MCC: variants seen among roughly 807,000 people sequenced by gnomAD.
MCC encodes the protein colorectal mutant cancer protein.
Under a neutral mutation model 116.2 loss-of-function variants are expected in MCC, and 90 were observed. The observed-to-expected ratio is 0.77, with a 90% confidence interval of 0.65 to 0.92. The LOEUF (loss-of-function observed/expected upper bound fraction) is 0.92. Among genes scored for constraint, MCC ranks in the 40% least tolerant of loss-of-function variants. The probability of loss-of-function intolerance (pLI) is 0.00; values close to 1 mark genes in which losing one functional copy is unlikely to be tolerated. For synonymous variants in MCC, 578 were observed against 510.5 expected (o/e 1.13, Z -1.78); for missense variants, 1,516 against 1,312.2 (o/e 1.16, Z -2.40).
intron 3 of MCC, among the ~76,000 whole-genome samples, chr5:113,332,564 CAAAAA>C (rs35391036): frequency 3.4e-5 from 3 of 88,392 alleles, no homozygotes; most frequent in Admixed American, 1.2e-4. Context: ...AACCTGTCTC[CAAAAA>C]AAAAAAAAAA....
At position 113,434,712 on chromosome 5, in the gene MCC, A is replaced by G; in HGVS notation, c.171-49500T>C. The G allele has an allele frequency of 1.2e-6, 2 of 1,614,088 alleles. No individual in the cohort carries two copies. Among genetic ancestry groups the G allele is most frequent in the Non-Finnish European group, 1.7e-6 (2 of 1,179,952 alleles). The stretch of plus-strand genomic sequence containing the variant: ...GTCTGCGGGGGCCTTCTTGCGGTCG[A>G]TGATCTTGATCGCCACATTGAACTT... On this transcript the variant is annotated intron_variant, in intron 1 of 18. Coordinates refer to ENST00000408903, the MANE Select transcript of MCC (RefSeq NM_001085377.2). This position sits in a 1 kb window ranked among gnomAD's most constrained non-coding sequence, Gnocchi z 4.2.
intron 1 of MCC, among the ~76,000 whole-genome samples, chr5:113,427,065 G>C (rs1287162352): frequency 6.6e-6 from 1 of 152,068 alleles, no homozygotes; most frequent in South Asian, 2.1e-4. Flanking sequence ...TATGTTGCAG[G>C]TGGGGACTCT....
chr5:113,077,782 C>T (rs13174818), intron 11 of MCC, among the ~76,000 whole-genome samples: 77,468 of 151,872 alleles, frequency 0.51, 22,588 homozygotes, highest in East Asian at 0.68. Context: ...CAAAAGCTAG[C>T]AGAAGGCAAG....
chr5:113,373,102 C>G (rs189625482), intron 2 of MCC, among the ~76,000 whole-genome samples: 42 of 151,870 alleles, frequency 2.8e-4, no homozygotes, highest in Non-Finnish European at 4.6e-4. Context: ...TGGCGTGAAC[C>G]CGAGAGGCGG....
intron 15 of MCC, 58 bp from the exon 16 acceptor site, chr5:113,049,357 CTG>C: frequency 4.2e-6 from 6 of 1,438,208 alleles, no homozygotes; most frequent in African/African-American, 1.4e-5. Flanking sequence ...GCAGGCCTGG[CTG>C]CTGCCAAGTG....
At chr5:113,201,246 G>A (rs990679135) in intron 3 of MCC, among the ~76,000 whole-genome samples, 28 of 152,214 alleles carry the variant, frequency 1.8e-4, no homozygotes, top group African/African-American at 6.0e-4. Flanking sequence ...TTAGCTAGGT[G>A]TGGTGGCACG....
chr5:113,336,693 A>G (rs1419131700), intron 3 of MCC, among the ~76,000 whole-genome samples: 3 of 152,238 alleles, frequency 2.0e-5, no homozygotes, highest in Admixed American at 6.5e-5. Context: ...TGTAAGGTCT[A>G]GCCCTTAGGA....
intron 3 of MCC, among the ~76,000 whole-genome samples, chr5:113,212,358 C>G (rs1325615479): frequency 6.6e-6 from 1 of 152,110 alleles, no homozygotes; most frequent in Non-Finnish European, 1.5e-5. Flanking sequence ...TTGTTGCTGA[C>G]AGCCACCGCC....
chr5:113,073,438 C>T (rs191697162), intron 11 of MCC, among the ~76,000 whole-genome samples: 34 of 152,316 alleles, frequency 2.2e-4, no homozygotes, highest in Non-Finnish European at 3.7e-4. Flanking sequence ...TTTCCACATT[C>T]GAAAACCCTT....
intron 6 of MCC, among the ~76,000 whole-genome samples, chr5:113,106,495 G>A (rs1332151297): frequency 6.6e-6 from 1 of 151,762 alleles, no homozygotes; most frequent in African/African-American, 2.4e-5. Flanking sequence ...CCTTTCCTTT[G>A]CTGTTTCCTT....
At chr5:113,423,177 C>T (rs10051109) in intron 1 of MCC, among the ~76,000 whole-genome samples, 12,135 of 152,186 alleles carry the variant, frequency 0.08, 1,102 homozygotes, top group African/African-American at 0.22. Flanking sequence ...TCACGTTTTT[C>T]ATACCTTCGT....
At chr5:113,253,884 G>C (rs751151640) in intron 3 of MCC, among the ~76,000 whole-genome samples, 5 of 152,128 alleles carry the variant, frequency 3.3e-5, no homozygotes, top group Admixed American at 6.5e-5. Context: ...TAGAAAGGAT[G>C]AAATGATAAA....
intron 3 of MCC, among the ~76,000 whole-genome samples, chr5:113,243,749 C>A (rs1764470246): frequency 6.6e-6 from 1 of 152,232 alleles, no homozygotes; most frequent in Non-Finnish European, 1.5e-5. Flanking sequence ...GCCAGGAGCT[C>A]AGGCCTTGAG....
chr5:113,417,710 C>T lies in MCC; in HGVS notation c.171-32498G>A, dbSNP rs549212441. ...TTGGGAGGCCGAGGCAGGGGGATTG[C>T]TTGATGTCAGGAGTTTGAGACCAGC... is the stretch of plus-strand genomic sequence containing the variant. On this transcript the variant is annotated intron_variant, in intron 1 of 18. Transcript: ENST00000408903. Among the ~76,000 whole-genome samples, 88 of 152,238 alleles carry T rather than the reference C, an allele frequency of 5.8e-4. 1 individual carries two copies. The highest frequency in any genetic ancestry group is 1.7e-3 in the African/African-American group (69 of 41,562).
At chr5:113,252,945 A>C (rs1051402025) in intron 3 of MCC, among the ~76,000 whole-genome samples, 2 of 152,224 alleles carry the variant, frequency 1.3e-5, no homozygotes, top group Non-Finnish European at 2.9e-5. Context: ...GAACATGGAG[A>C]GTGGGTTCAA....
intron 3 of MCC, among the ~76,000 whole-genome samples, chr5:113,317,359 C>T (rs973613458): frequency 1.3e-5 from 2 of 152,170 alleles, no homozygotes; most frequent in Non-Finnish European, 2.9e-5. Context: ...GCTTGGCTTG[C>T]AATTTCTGAG....
chr5:113,251,436 T>C (rs1053569014), intron 3 of MCC, among the ~76,000 whole-genome samples: 1 of 152,204 alleles, frequency 6.6e-6, no homozygotes, highest in Admixed American at 6.5e-5. Flanking sequence ...TAGTTGGAAA[T>C]CTCTTGCAGT....
At chr5:113,108,297 T>C (rs7731180) in intron 6 of MCC, among the ~76,000 whole-genome samples, 65,676 of 130,268 alleles carry the variant, frequency 0.5, 16,000 homozygotes, top group Middle Eastern at 0.6. Context: ...TGCACTCCAG[T>C]CTAGGCAACA....
At chr5:113,224,731 AAAT>A (rs1763672015) in intron 3 of MCC, among the ~76,000 whole-genome samples, 2 of 152,344 alleles carry the variant, frequency 1.3e-5, no homozygotes, top group South Asian at 4.1e-4. Flanking sequence ...CCTGAAGTAC[AAAT>A]AATGGCCATG....
Sources: allele counts gnomAD v4.1 joint callset (sites outside exome capture counted in the v4.1 genomes callset), GRCh38; gene constraint gnomAD v4.1.1; non-coding constraint Gnocchi (gnomAD v3.1); transcripts MANE v1.5; gene names NCBI Gene and HGNC (gene_info 2026-07-23, HGNC 2026-07-21).